Variants in PTK7 observed in about 807,000 individuals in gnomAD.
The protein encoded by PTK7 is inactive tyrosine-protein kinase 7.
Under a neutral mutation model 116.6 loss-of-function variants are expected in PTK7, and 39 were observed. That is an observed-to-expected ratio of 0.33 (90% CI 0.26 to 0.44). The LOEUF (loss-of-function observed/expected upper bound fraction) is 0.44, where lower values mean the gene tolerates loss of function less well. Ranked by LOEUF, PTK7 falls within the 20% of genes least tolerant of loss-of-function variation. PTK7 has a pLI of 1.00. For synonymous variants in PTK7, 546 were observed against 563.6 expected, an observed-to-expected ratio of 0.97 and a Z score of 0.44; for missense variants, 1,169 against 1,425.6, an observed-to-expected ratio of 0.82 and a Z score of 2.90.
At chr6:43,142,503 GT>G in intron 13 of PTK7, 2 of 415,384 alleles carry the variant, frequency 4.8e-6, no homozygotes, top group Admixed American at 3.3e-5. Flanking sequence ...CCAACGGTCG[GT>G]GTGTGTGTGT....
At chr6:43,157,376 C>T (rs12214963) in intron 17 of PTK7, among the ~76,000 whole-genome samples, 5,317 of 19,382 alleles carry the variant, frequency 0.27, 238 homozygotes, top group African/African-American at 0.3. Flanking sequence ...TTTTTTTTTT[C>T]TTTTTTTTTT....
Position 43,076,388 on chromosome 6 carries a change from C to T in PTK7, c.-101C>T, listed in dbSNP as rs1397314431. 3 of 927,080 alleles carry T rather than the reference C, an allele frequency of 3.2e-6. No homozygotes were observed. Among genetic ancestry groups the T allele is most frequent in the Non-Finnish European group, 4.3e-6 (3 of 699,896 alleles). 57.4% of individuals were successfully genotyped at this position (927,080 alleles called of 1,614,324 possible). A position where few individuals can be genotyped will look rare whatever the true frequency, so the allele number is the denominator to read the frequency against. ...CGGGCTCCGGCTGCGGCTGCTGCTGCGGCGCCCGCGCTCCGGTGCGCTCCG... is the reference window on the plus strand; with the variant it reads ...CGGGCTCCGGCTGCGGCTGCTGCTGTGGCGCCCGCGCTCCGGTGCGCTCCG... On this transcript the variant is annotated 5_prime_UTR_variant, in exon 1 of 20. Transcript: ENST00000230419. This position sits in a 1 kb window ranked among gnomAD's most constrained non-coding sequence, Gnocchi z 5.7.
chr6:43,157,351 TATATATATATATATTTTTTTTTTTC>T (rs1561990290), intron 17 of PTK7, among the ~76,000 whole-genome samples: 62 of 12,166 alleles, frequency 5.1e-3, no homozygotes, highest in East Asian at 0.012. Context: ...TATATATATA[TATATATATATATATTTTTTTTTTTC>T]TTTTTTTTTT....
intron 5 of PTK7, among the ~76,000 whole-genome samples, chr6:43,131,034 C>CAG (rs1382859990): frequency 3.3e-5 from 3 of 90,540 alleles, no homozygotes; most frequent in Non-Finnish European, 6.7e-5. Context: ...AGACATCACA[C>CAG]ACACACACAC....
At chr6:43,081,772 A>C (rs750952717) in intron 1 of PTK7, among the ~76,000 whole-genome samples, 1 of 152,178 alleles carries the variant, frequency 6.6e-6, no homozygotes, top group South Asian at 2.1e-4. Context: ...GGGCAGAATG[A>C]TCAAGGGTGG....
chr6:43,105,397 G>A (rs1172946923), intron 1 of PTK7, among the ~76,000 whole-genome samples: 2 of 141,950 alleles, frequency 1.4e-5, no homozygotes, highest in Non-Finnish European at 3.0e-5. Context: ...TGAAGTGAAT[G>A]AGGTCGAATT....
chr6:43,118,655 CTCTCTATATATA>C (rs1480646633), intron 1 of PTK7, among the ~76,000 whole-genome samples: 295 of 70,348 alleles, frequency 4.2e-3, no homozygotes, highest in African/African-American at 7.2e-3. Flanking sequence ...CTCTCTCTCT[CTCTCTATATATA>C]TATATATATA....
chr6:43,108,507 C>T (rs907845421), intron 1 of PTK7, among the ~76,000 whole-genome samples: 4 of 151,756 alleles, frequency 2.6e-5, no homozygotes, highest in Non-Finnish European at 5.9e-5. Flanking sequence ...TCAAATGATC[C>T]TCCCATCTCA....
chr6:43,155,646 A>C (rs77173735), intron 17 of PTK7, among the ~76,000 whole-genome samples: 1 of 91,804 alleles, frequency 1.1e-5, no homozygotes, highest in Non-Finnish European at 2.0e-5. Flanking sequence ...AGACTCCATC[A>C]AAAAAAAAAA....
chr6:43,143,462 C>A lies in PTK7; in HGVS notation c.2093C>A (p.Pro698His), dbSNP rs148120569. Reference protein sequence around the residue: ...EESEGPGSPPPYKMIQTIGLS... With the variant: ...EESEGPGSPPHYKMIQTIGLS... ...TCGGAGGGCCCTGGCAGCCCTCCCC[C>A]CTACAAGATGATCCAGACCATTGGG... The change falls in exon 14 of 20, where the codon CCC (proline) becomes CAC (histidine). Residue 698 changes from proline to histidine, a missense_variant. By Grantham distance (77) the Pro-to-His change is moderately conservative (BLOSUM62 -2). Coordinates refer to ENST00000230419, the MANE Select transcript of PTK7 (RefSeq NM_002821.5). The surrounding 1 kb of genome is among the most constrained non-coding windows in gnomAD (Gnocchi z 4.2). 67 of 1,613,972 alleles carry A rather than the reference C, an allele frequency of 4.2e-5. No homozygotes were observed. The Middle Eastern group carries it at 4.9e-4, about 12-fold the overall frequency.
chr6:43,132,934 G>A, intron 7 of PTK7: 1 of 601,894 alleles, frequency 1.7e-6, no homozygotes, highest in South Asian at 2.0e-5. Context: ...ACAGAGGAAA[G>A]AGCAATAGAC....
chr6:43,138,751 C>G, intron 7 of PTK7, 98 bp from the exon 8 acceptor site: 1 of 1,473,862 alleles, frequency 6.8e-7, no homozygotes, highest in South Asian at 1.4e-5. Context: ...GGCTTCTGAA[C>G]TCAGGGCCTA....
In PTK7 at chr6:43,129,044, G is replaced by A. The variant is rs151301685; in HGVS notation, c.147G>A (p.Ala49=). 2.5e-4 allele frequency: 411 copies of A among 1,614,176 alleles called. No individual in the cohort carries two copies. The highest frequency in any genetic ancestry group is 3.3e-4 in the Middle Eastern group (2 of 6,062). The change falls in exon 2 of 20, where the codon GCG becomes GCA. Residue 49 remains alanine (A), a synonymous_variant. Coordinates refer to ENST00000230419, the MANE Select transcript of PTK7 (RefSeq NM_002821.5). This position sits in a 1 kb window ranked among gnomAD's most constrained non-coding sequence, Gnocchi z 4.5. ...SSQDALQGRR[A]LLRCEVEAPG... ...AGGATGCACTGCAGGGGCGCCGGGC[G>A]CTGCTTCGCTGTGAGGTTGAGGCTC...
In PTK7 at chr6:43,099,425, G is replaced by A. The variant is rs181530929; in HGVS notation, c.79+22858G>A. Among the ~76,000 whole-genome samples the A allele has an allele frequency of 7.2e-3, 1,091 of 152,140 alleles. 3 individuals carry two copies. The highest frequency in any genetic ancestry group is 0.012 in the Non-Finnish European group (801 of 67,996). On this transcript the variant is annotated intron_variant, in intron 1 of 19. Transcript: ENST00000230419. ...TTAAAAAAATTTTTTTATAGAGTCA[G>A]GGTATCACCATGTTGCCCAGGCTGG...
At chr6:43,122,606 C>CTTTT in intron 1 of PTK7, among the ~76,000 whole-genome samples, 1 of 123,782 alleles carries the variant, frequency 8.1e-6, no homozygotes, top group East Asian at 2.2e-4. Flanking sequence ...GGGACTGAAT[C>CTTTT]TTTTTTTTTT....
chr6:43,145,534 C>A lies in PTK7; in HGVS notation c.2640+102C>A. Reference sequence around the variant, plus strand: ...AGCACCGTGAAAACCTTGTCTCGTGCAGTCTCAGCCGAGACCTCACCTGCC... The same window carrying A: ...AGCACCGTGAAAACCTTGTCTCGTGAAGTCTCAGCCGAGACCTCACCTGCC... On this transcript the variant is annotated intron_variant, in intron 16 of 19. Transcript: ENST00000230419. The surrounding 1 kb of genome is among the most constrained non-coding windows in gnomAD (Gnocchi z 4.8). 1 of 966,964 alleles carries A rather than the reference C, an allele frequency of 1.0e-6. No individual in the cohort carries two copies. Among genetic ancestry groups the A allele is most frequent in the Non-Finnish European group, 1.5e-6 (1 of 681,426 alleles). 59.9% of individuals were successfully genotyped at this position (966,964 alleles called of 1,614,324 possible).
chr6:43,081,226 A>G (rs1010280592), intron 1 of PTK7, among the ~76,000 whole-genome samples: 1 of 151,912 alleles, frequency 6.6e-6, no homozygotes, highest in Non-Finnish European at 1.5e-5. Flanking sequence ...AAGCTGTCCT[A>G]TCTCTCCTGC....
At chr6:43,157,545 G>A (rs993599946) in intron 17 of PTK7, among the ~76,000 whole-genome samples, 3 of 149,406 alleles carry the variant, frequency 2.0e-5, no homozygotes, top group Non-Finnish European at 4.4e-5. Flanking sequence ...TAGTAGAAAA[G>A]ATAGACTTTT....
chr6:43,131,076 C>CAT lies in PTK7; in HGVS notation c.812+416_812+417insTA, dbSNP rs1554155648. 4.6e-3 allele frequency among the ~76,000 whole-genome samples: 684 copies of CAT among 147,262 alleles called. 7 individuals carry two copies. The highest frequency in any genetic ancestry group is 0.016 in the African/African-American group (635 of 38,890). On this transcript the variant is annotated intron_variant, in intron 5 of 19. Transcript: ENST00000230419. Reference sequence around the variant, plus strand: ...ACACACACACACACACACACACACACACTTTTTAGAGGAAGCAAACACCTC... The same window carrying CAT: ...ACACACACACACACACACACACACACATACTTTTTAGAGGAAGCAAACACCTC...
Sources: allele counts gnomAD v4.1 joint callset (sites outside exome capture counted in the v4.1 genomes callset), GRCh38; gene constraint gnomAD v4.1.1; non-coding constraint Gnocchi (gnomAD v3.1); transcripts MANE v1.5; gene names NCBI Gene and HGNC (gene_info 2026-07-23, HGNC 2026-07-21).